The following ANKFN1 variants were observed in gnomAD, a reference collection of about 807,000 sequenced individuals.
ANKFN1 encodes the protein ankyrin repeat and fibronectin type III domain containing 1.
ANKFN1 carries 74 observed loss-of-function variants against 108.7 expected under a neutral mutation model. The observed-to-expected ratio is 0.68, with a 90% confidence interval of 0.56 to 0.83. The LOEUF (loss-of-function observed/expected upper bound fraction) is 0.83, where lower values mean the gene tolerates loss of function less well. Ranked by LOEUF, ANKFN1 falls within the 40% of genes least tolerant of loss-of-function variation. The pLI, the probability that ANKFN1 is intolerant of heterozygous loss-of-function variation, is 0.00. For synonymous variants in ANKFN1, 547 were observed against 516.2 expected, an observed-to-expected ratio of 1.06 and a Z score of -0.81; for missense variants, 1,505 against 1,382.3, an observed-to-expected ratio of 1.09 and a Z score of -1.41.
At chr17:56,158,837 A>G (rs1300117959) in intron 1 of ANKFN1, among the ~76,000 whole-genome samples, 2 of 152,154 alleles carry the variant, frequency 1.3e-5, no homozygotes, top group East Asian at 3.8e-4. Context: ...AAAGGAAGGT[A>G]TGTGTGAAAG....
At chr17:56,170,623 C>G (rs1910565511) in intron 1 of ANKFN1, among the ~76,000 whole-genome samples, 1 of 151,028 alleles carries the variant, frequency 6.6e-6, no homozygotes, top group African/African-American at 2.4e-5. Flanking sequence ...ATTAGCCATG[C>G]ATGGTGGCGC....
At chr17:56,184,838 A>C (rs899381250) in intron 1 of ANKFN1, 2 of 152,188 alleles carry the variant, frequency 1.3e-5, no homozygotes, top group Non-Finnish European at 1.5e-5. Flanking sequence ...ACTTGTGGTA[A>C]AACTCAAACC....
At chr17:56,068,752 A>C (rs1266373035) in intron 4 of ANKFN1, among the ~76,000 whole-genome samples, 1 of 152,206 alleles carries the variant, frequency 6.6e-6, no homozygotes, top group South Asian at 2.1e-4. Context: ...CCAACTACAC[A>C]TGAGACAATG....
chr17:56,315,630 A>T (rs2045181795), intron 3 of ANKFN1, among the ~76,000 whole-genome samples: 1 of 152,200 alleles, frequency 6.6e-6, no homozygotes, highest in South Asian at 2.1e-4. Context: ...AGGTTTCACA[A>T]TGCAGAAGAA....
chr17:56,406,090 AG>A (rs2047912202), intron 8 of ANKFN1, among the ~76,000 whole-genome samples: 2 of 152,196 alleles, frequency 1.3e-5, no homozygotes, highest in African/African-American at 4.8e-5. Flanking sequence ...GAGGCAAGAG[AG>A]GAAAAGGCAA....
At chr17:56,065,230 C>T (rs1213309016) in intron 4 of ANKFN1, among the ~76,000 whole-genome samples, 2 of 152,210 alleles carry the variant, frequency 1.3e-5, no homozygotes, top group Admixed American at 1.3e-4. Context: ...TTCTTCACCT[C>T]TCTCAGCCTT....
intron 8 of ANKFN1, among the ~76,000 whole-genome samples, chr17:56,408,864 G>A (rs1282020359): frequency 6.6e-6 from 1 of 151,802 alleles, no homozygotes; most frequent in Admixed American, 6.6e-5. Context: ...AAAAACAATA[G>A]AGTTAGAAGG....
At chr17:56,467,832 A>C (rs1568026704) in intron 15 of ANKFN1, among the ~76,000 whole-genome samples, 9 of 42,440 alleles carry the variant, frequency 2.1e-4, no homozygotes. Flanking sequence ...GAAAGAAAGA[A>C]AGAAAGAAAG....
chr17:56,361,854 G>A (rs1461496799), intron 6 of ANKFN1, among the ~76,000 whole-genome samples: 2 of 152,080 alleles, frequency 1.3e-5, no homozygotes, highest in East Asian at 3.9e-4. Flanking sequence ...CTATGACATG[G>A]CAGTTGGCTT....
intron 1 of ANKFN1, among the ~76,000 whole-genome samples, chr17:56,173,924 A>T (rs1488445493): frequency 6.6e-6 from 1 of 152,248 alleles, no homozygotes; most frequent in Non-Finnish European, 1.5e-5. Context: ...CCCAAATATT[A>T]ATTACTTGGC....
intron 1 of ANKFN1, among the ~76,000 whole-genome samples, chr17:56,168,254 CACA>C (rs1910343500): frequency 9.9e-6 from 1 of 100,724 alleles, no homozygotes. Context: ...GAGACTCTGT[CACA>C]AAAAAAAAAA....
chr17:56,204,852 G>A (rs1017781880), intron 1 of ANKFN1, among the ~76,000 whole-genome samples: 1 of 152,040 alleles, frequency 6.6e-6, no homozygotes, highest in African/African-American at 2.4e-5. Flanking sequence ...GAGGTGGGCG[G>A]ATCACGAGGT....
chr17:56,239,790 G>A (rs971220700), intron 3 of ANKFN1, among the ~76,000 whole-genome samples: 2 of 152,050 alleles, frequency 1.3e-5, no homozygotes, highest in Non-Finnish European at 2.9e-5. Flanking sequence ...CAGGCTACTG[G>A]TCAGCATACA....
At chr17:56,312,453 C>T (rs2045058127) in intron 3 of ANKFN1, among the ~76,000 whole-genome samples, 1 of 152,144 alleles carries the variant, frequency 6.6e-6, no homozygotes, top group African/African-American at 2.4e-5. Flanking sequence ...CTCCCAGTAC[C>T]TCCTTTCACA....
chr17:56,310,264 G>A (rs928621785), intron 3 of ANKFN1, among the ~76,000 whole-genome samples: 1 of 152,148 alleles, frequency 6.6e-6, no homozygotes, highest in Non-Finnish European at 1.5e-5. Context: ...AGTTGACCAC[G>A]GATAACTGAA....
intron 1 of ANKFN1, among the ~76,000 whole-genome samples, chr17:56,163,262 C>T (rs1342024383): frequency 6.6e-6 from 1 of 152,012 alleles, no homozygotes; most frequent in Non-Finnish European, 1.5e-5. Flanking sequence ...ACATTGTTCA[C>T]AGAGATTTTT....
At chr17:56,182,044 TAATC>T (rs1398410149) in intron 1 of ANKFN1, among the ~76,000 whole-genome samples, 1 of 152,214 alleles carries the variant, frequency 6.6e-6, no homozygotes, top group Non-Finnish European at 1.5e-5. Flanking sequence ...ATAGCAAACT[TAATC>T]AACAAATGCA....
Position 56,092,113 on chromosome 17 carries a change from G to C in ANKFN1, c.288+45788G>C, listed in dbSNP as rs559761651. Reference sequence around the variant, plus strand: ...AACAATGTAGCCTTTCTGCACAAGTGCCCCAGGGCAGCTGGAAAAAAGGGT... The same window carrying C: ...AACAATGTAGCCTTTCTGCACAAGTCCCCCAGGGCAGCTGGAAAAAAGGGT... On this transcript the variant is annotated intron_variant, in intron 4 of 12. Coordinates refer to the ANKFN1 transcript ENST00000635860. Among the ~76,000 whole-genome samples the C allele has an allele frequency of 5.9e-4, 90 of 151,408 alleles. 2 individuals are homozygous for C. The highest frequency in any genetic ancestry group is 2.0e-3 in the African/African-American group (84 of 41,334).
chr17:56,395,775 G>A (rs1028853027), intron 8 of ANKFN1, among the ~76,000 whole-genome samples: 1 of 152,122 alleles, frequency 6.6e-6, no homozygotes, highest in African/African-American at 2.4e-5. Context: ...CTTGAACCCG[G>A]AAGGTGGAGG....
Sources: gnomAD v4.1 joint callset for allele counts (sites outside exome capture counted in the v4.1 genomes callset) on GRCh38, gnomAD v4.1.1 for gene constraint, MANE v1.5 for transcripts, NCBI Gene and HGNC (gene_info 2026-07-23, HGNC 2026-07-21) for gene names.